The following ANAPC4 variants were observed in gnomAD, a reference collection of about 807,000 sequenced individuals.
ANAPC4 encodes anaphase-promoting complex subunit 4.
Under a neutral mutation model 119.8 loss-of-function variants are expected in ANAPC4, and 63 were observed. The ratio of observed to expected loss-of-function variants is 0.53; its 90% CI spans 0.43 to 0.65. The LOEUF (loss-of-function observed/expected upper bound fraction) is 0.65, where lower values mean the gene tolerates loss of function less well. Ranked by LOEUF, ANAPC4 falls within the 30% of genes least tolerant of loss-of-function variation. ANAPC4 has a pLI of 0.00. For missense variants in ANAPC4, 716 were observed against 945.1 expected (o/e 0.76, Z 3.18); for synonymous variants, 283 against 318.6 (o/e 0.89, Z 1.19).
intron 2 of ANAPC4, among the ~76,000 whole-genome samples, chr4:25,378,797 G>A (rs1383442878): frequency 1.3e-5 from 2 of 152,216 alleles, no homozygotes; most frequent in Non-Finnish European, 2.9e-5. Flanking sequence ...AGAGACACTG[G>A]TTGAATAAGG....
intron 4 of ANAPC4, 140 bp from the exon 5 acceptor site, chr4:25,388,360 A>G (rs1722156853): frequency 1.7e-6 from 1 of 586,246 alleles, no homozygotes; most frequent in Non-Finnish European, 3.0e-6. Flanking sequence ...TAAACTGACT[A>G]CAACTGTATA....
rs368494397 is a variant in ANAPC4 at position 25,380,451 on chromosome 4, G to A, written c.207G>A (p.Thr69=). The A allele has an allele frequency of 1.9e-5, 31 of 1,612,614 alleles. No individual in the cohort carries two copies. The South Asian group carries it at 2.4e-4, about 13-fold the overall frequency. Residue 69 remains threonine (T), a synonymous_variant, in exon 3 of 29, where the codon ACG becomes ACA. Coordinates refer to ENST00000315368, the MANE Select transcript of ANAPC4 (RefSeq NM_013367.3). The part of the protein sequence containing the change: ...PPNENTGKEV[T]CLAWRPDGKL... ...ATGAAAATACAGGAAAGGAGGTGACGTGTCTGGCATGGAGACCAGATGGCA... is the reference window on the plus strand; with the variant it reads ...ATGAAAATACAGGAAAGGAGGTGACATGTCTGGCATGGAGACCAGATGGCA...
intron 2 of ANAPC4, 32 bp downstream of exon 2, chr4:25,377,588 G>A (rs1264315754): frequency 1.3e-6 from 2 of 1,574,754 alleles, no homozygotes; most frequent in Non-Finnish European, 1.7e-6. Flanking sequence ...CGCCTGTGCT[G>A]GGTCTGCTCC....
At chr4:25,390,305 G>A (rs1317230366) in intron 8 of ANAPC4, 85 bp downstream of exon 8, 2 of 980,510 alleles carry the variant, frequency 2.0e-6, no homozygotes, top group Non-Finnish European at 2.9e-6. Flanking sequence ...AAAACACTAG[G>A]TTTTTTTTCA....
chr4:25,417,873 G>A, intron 28 of ANAPC4, 134 bp downstream of exon 28: 2 of 1,254,796 alleles, frequency 1.6e-6, no homozygotes, highest in Non-Finnish European at 2.2e-6. Flanking sequence ...AGCTTGTATT[G>A]ATTATGATCA....
chr4:25,397,874 T>C (rs1722745991), intron 16 of ANAPC4, among the ~76,000 whole-genome samples: 1 of 152,078 alleles, frequency 6.6e-6, no homozygotes, highest in African/African-American at 2.4e-5. Flanking sequence ...CATTTTAACC[T>C]GAATTCTCTT....
At chr4:25,377,634 A>C (rs1343668870) in intron 2 of ANAPC4, 78 bp downstream of exon 2, 2 of 1,516,942 alleles carry the variant, frequency 1.3e-6, no homozygotes, top group Non-Finnish European at 8.8e-7. Context: ...GAGCCTGTTC[A>C]TTCGGGCCAC....
rs1266980323 is a variant in ANAPC4, at chr4:25,394,812, T to A, written c.985-17T>A. 1 of 1,608,076 alleles carries A rather than the reference T, an allele frequency of 6.2e-7. No individual in the cohort carries two copies. On this transcript the variant is annotated splice_polypyrimidine_tract_variant and intron_variant, in intron 13 of 28. Transcript: ENST00000315368. Reference sequence around the variant, plus strand: ...TATCCTGATTGTATGCTAAATATATTTTCCTTTTTTAATTAGGGCTTGAAA... The same window carrying A: ...TATCCTGATTGTATGCTAAATATATATTCCTTTTTTAATTAGGGCTTGAAA...
Position 25,397,424 on chromosome 4 carries a change from C to T in ANAPC4, c.1214+525C>T, listed in dbSNP as rs139354201. On this transcript the variant is annotated intron_variant, in intron 16 of 28. Transcript: ENST00000315368. ...GCAGCTGTGGTCCAGTTCTCCTGCACGGCTACCACCCGGGCATTTTCTTCA... is the reference window on the plus strand; with the variant it reads ...GCAGCTGTGGTCCAGTTCTCCTGCATGGCTACCACCCGGGCATTTTCTTCA... 5.1e-3 allele frequency among the ~76,000 whole-genome samples: 777 copies of T among 152,262 alleles called. 5 individuals carry two copies. Among genetic ancestry groups the T allele is most frequent in the African/African-American group, 0.018 (732 of 41,540 alleles).
Position 25,393,801 on chromosome 4 carries a change from A to G in ANAPC4, c.790-4A>G. 2 of 1,575,306 alleles carry G rather than the reference A, an allele frequency of 1.3e-6. No homozygotes were observed. Among genetic ancestry groups the G allele is most frequent in the South Asian group, 1.2e-5 (1 of 84,676 alleles). On this transcript the variant is annotated splice_region_variant and splice_polypyrimidine_tract_variant and intron_variant, in intron 10 of 28. Transcript: ENST00000315368. ...CCATTTCAATTTTTCTTTTTTGCTA[A>G]TAGTATATAAATTTGTCACTAACAT...
At chr4:25,396,631 T>C in intron 14 of ANAPC4, 33 bp from the exon 15 acceptor site, 1 of 1,470,160 alleles carries the variant, frequency 6.8e-7, no homozygotes, top group Non-Finnish European at 9.3e-7. Flanking sequence ...ATGATCGTCA[T>C]GATACTAATT....
chr4:25,384,213 G>A (rs116392787), intron 4 of ANAPC4, among the ~76,000 whole-genome samples: 3 of 152,048 alleles, frequency 2.0e-5, no homozygotes, highest in Non-Finnish European at 4.4e-5. Context: ...TTCAAGTTTC[G>A]TCATGAGATT....
Position 25,377,324 on chromosome 4 carries a change from T to C in ANAPC4, c.-31T>C. The C allele has an allele frequency of 1.3e-6, 2 of 1,486,690 alleles. No individual in the cohort carries two copies. The highest frequency in any genetic ancestry group is 1.8e-6 in the Non-Finnish European group (2 of 1,106,360). The allele number at this position is 1,486,690 out of a possible 1,614,324, so 92.1% of individuals were successfully genotyped here. On this transcript the variant is annotated 5_prime_UTR_variant, in exon 1 of 29. Coordinates refer to ENST00000315368, the MANE Select transcript of ANAPC4 (RefSeq NM_013367.3). Reference sequence around the variant, plus strand: ...AGAGGCCACTGGGGCCGTGTTAGTCTGCCGGTGGGGACTCTTGCAGGTACA... The same window carrying C: ...AGAGGCCACTGGGGCCGTGTTAGTCCGCCGGTGGGGACTCTTGCAGGTACA...
rs1721589877 is a variant in ANAPC4, at chr4:25,379,342, T to C, written c.130-1032T>C. Among the ~76,000 whole-genome samples, 6 of 152,232 alleles carry C rather than the reference T, an allele frequency of 3.9e-5. No individual in the cohort carries two copies. In the South Asian group the frequency reaches 1.2e-3, roughly 32 times the overall value. On this transcript the variant is annotated intron_variant, in intron 2 of 28. Coordinates refer to ENST00000315368, the MANE Select transcript of ANAPC4 (RefSeq NM_013367.3). ...GCCAGGTATCCAGATCTTTAAGGAA[T>C]GAGGGGAATGGCCTAGGGGTCTGTA... is the stretch of plus-strand genomic sequence containing the variant.
Position 25,418,471 on chromosome 4 carries a change from GAAAT to G in ANAPC4, c.*93_*96del. 2.9e-6 allele frequency: 3 copies of G among 1,050,254 alleles called. No individual in the cohort carries two copies. Among genetic ancestry groups the G allele is most frequent in the Non-Finnish European group, 4.2e-6 (3 of 717,842 alleles). The allele number at this position is 1,050,254 out of a possible 1,614,324, so 65.1% of individuals were successfully genotyped here. On this transcript the variant is annotated 3_prime_UTR_variant, in exon 29 of 29. Transcript: ENST00000315368. ...TCTTGGACCACCTTTGTGTAACAAA[GAAAT>G]AAACAGTAAATTTTATTTTTTCATA...
At position 25,417,746 on chromosome 4, in the gene ANAPC4, G is replaced by GT. The variant is rs752409824; in HGVS notation, c.2199+10dup. ...TCGAAAAGTGTCCTGTGTGGTAAGT[G>GT]TTTAGAGATCGTTCAGCAACTAAGA... On this transcript the variant is annotated splice_region_variant and intron_variant, in intron 28 of 28. Coordinates refer to ENST00000315368, the MANE Select transcript of ANAPC4 (RefSeq NM_013367.3). 17 of 1,597,180 alleles carry GT rather than the reference G, an allele frequency of 1.1e-5. No homozygotes were observed. The African/African-American group carries it at 2.3e-4, about 22-fold the overall frequency.
At chr4:25,403,499 T>G (rs965963766) in intron 17 of ANAPC4, among the ~76,000 whole-genome samples, 4 of 152,148 alleles carry the variant, frequency 2.6e-5, no homozygotes, top group Non-Finnish European at 4.4e-5. Flanking sequence ...AAAAAATTTT[T>G]GTAAGTATCA....
Position 25,394,352 on chromosome 4 carries a change from T to C in ANAPC4, c.919T>C (p.Leu307=), listed in dbSNP as rs568996507. The change falls in exon 12 of 29, where the codon TTG becomes CTG. Residue 307 remains leucine (L), a synonymous_variant. Transcript: ENST00000315368. The part of the protein sequence containing the change: ...TTSVQDEFMH[L]LLWGKASAEL... ...ATCAGTGCAAGATGAGTTCATGCAC[T>C]TGCTATTATGGGGGAAAGCAAGGTA... 3 of 1,579,912 alleles carry C rather than the reference T, an allele frequency of 1.9e-6. No individual in the cohort carries two copies. The African/African-American group carries it at 4.1e-5, about 22-fold the overall frequency.
chr4:25,386,985 T>G (rs1722073814), intron 4 of ANAPC4, among the ~76,000 whole-genome samples: 1 of 152,240 alleles, frequency 6.6e-6, no homozygotes, highest in African/African-American at 2.4e-5. Context: ...TTTTAAAGTT[T>G]TATTAATTAA....
Sources: allele counts gnomAD v4.1 joint callset (sites outside exome capture counted in the v4.1 genomes callset), GRCh38; gene constraint gnomAD v4.1.1; transcripts MANE v1.5; gene names NCBI Gene and HGNC (gene_info 2026-07-23, HGNC 2026-07-21).